PLEKHA1: variants seen among roughly 807,000 people sequenced by gnomAD.
PLEKHA1 encodes the protein pleckstrin homology domain containing A1.
In PLEKHA1, 34 loss-of-function variants were observed where a neutral mutation model predicts 52.0. That is an observed-to-expected ratio of 0.65 (90% confidence interval 0.50 to 0.87). The LOEUF is 0.87. Ranked by LOEUF, PLEKHA1 falls within the 40% of genes least tolerant of loss-of-function variation. The probability of loss-of-function intolerance (pLI) is 0.00; values close to 1 mark genes in which losing one functional copy is unlikely to be tolerated. For synonymous variants in PLEKHA1, 163 were observed against 170.7 expected (o/e 0.95, Z 0.35); for missense variants, 497 against 504.2 (o/e 0.99, Z 0.14).
At chr10:122,423,114 T>G (rs1348614733) in intron 8 of PLEKHA1, 3 of 151,706 alleles carry the variant, frequency 2.0e-5, no homozygotes, top group Non-Finnish European at 4.4e-5. Flanking sequence ...TCTATGATTT[T>G]TTTTTTTTTT....
Position 122,425,100 on chromosome 10 carries a change from A to G in PLEKHA1, c.810+141A>G. ...TAATTCACCAGCTTAATAAAAGGGT[A>G]CTGTATATAGAGTTATTGGTGGGGT... is the stretch of plus-strand genomic sequence containing the variant. On this transcript the variant is annotated intron_variant, in intron 10 of 11. Coordinates refer to ENST00000368990, the MANE Select transcript of PLEKHA1 (RefSeq NM_001001974.4). 5.9e-6 allele frequency: 4 copies of G among 677,582 alleles called. No homozygotes were observed. In the East Asian group the frequency reaches 1.1e-4, roughly 19 times the overall value. The allele number at this position is 677,582 out of a possible 1,614,324, so 42.0% of individuals were successfully genotyped here.
intron 1 of PLEKHA1, among the ~76,000 whole-genome samples, chr10:122,392,133 C>T (rs920744986): frequency 2.0e-5 from 3 of 152,098 alleles, no homozygotes; most frequent in African/African-American, 7.2e-5. Context: ...GTTCTTGGCA[C>T]CTAATGGTTT....
At chr10:122,429,494 TTGTGTGTGTGTG>T (rs35620141) in intron 11 of PLEKHA1, 118 bp from the exon 12 acceptor site, 94 of 655,906 alleles carry the variant, frequency 1.4e-4, no homozygotes, top group East Asian at 5.8e-4. Context: ...GCTGCTGCCT[TTGTGTGTGTGTG>T]TGTGTGTGTG....
Position 122,429,972 on chromosome 10 carries a change from G to A in PLEKHA1, c.*34G>A, listed in dbSNP as rs1447434716. 5.1e-6 allele frequency: 8 copies of A among 1,568,490 alleles called. No homozygotes were observed. Among genetic ancestry groups the A allele is most frequent in the Admixed American group, 1.9e-5 (1 of 53,238 alleles). On this transcript the variant is annotated 3_prime_UTR_variant, in exon 12 of 12. Coordinates refer to ENST00000368990, the MANE Select transcript of PLEKHA1 (RefSeq NM_001001974.4). ...CGCACGGAGCCTGCCTGCCTCTGCCGTCCTCAGTTTCCTTTCATGAGGCTT... is the reference window on the plus strand; with the variant it reads ...CGCACGGAGCCTGCCTGCCTCTGCCATCCTCAGTTTCCTTTCATGAGGCTT...
At chr10:122,384,238 G>T (rs1326901290) in intron 1 of PLEKHA1, among the ~76,000 whole-genome samples, 1 of 152,106 alleles carries the variant, frequency 6.6e-6, no homozygotes, top group Non-Finnish European at 1.5e-5. Context: ...TTAGCCCTTT[G>T]TTTATGATAT....
At chr10:122,423,878 G>GT in intron 8 of PLEKHA1, 1 of 271,170 alleles carries the variant, frequency 3.7e-6, no homozygotes, top group Non-Finnish European at 6.7e-6. Context: ...AGGAGATGCT[G>GT]TGCATACTGG....
chr10:122,424,118 C>A, intron 8 of PLEKHA1, 81 bp from the exon 9 acceptor site: 1 of 1,459,876 alleles, frequency 6.8e-7, no homozygotes, highest in Non-Finnish European at 9.1e-7. Context: ...CATGGGTCTT[C>A]AAATAAGACA....
At chr10:122,379,763 G>A (rs746065615) in intron 1 of PLEKHA1, among the ~76,000 whole-genome samples, 6 of 152,184 alleles carry the variant, frequency 3.9e-5, no homozygotes, top group Non-Finnish European at 7.3e-5. Context: ...AGTCCCACTC[G>A]ACATGTTTTA....
chr10:122,395,989 C>G (rs1015466263), intron 2 of PLEKHA1, among the ~76,000 whole-genome samples: 1 of 152,040 alleles, frequency 6.6e-6, no homozygotes, highest in African/African-American at 2.4e-5. Flanking sequence ...ATTTCTTGTT[C>G]ATTGTCAAGT....
At chr10:122,412,853 C>T in intron 5 of PLEKHA1, 67 bp from the exon 6 acceptor site, 1 of 1,540,390 alleles carries the variant, frequency 6.5e-7, no homozygotes, top group Non-Finnish European at 8.9e-7. Context: ...ATTAGAAATT[C>T]TGCGAGAAAA....
rs1014908131 is a variant in PLEKHA1 at position 122,412,945 on chromosome 10, C to G, written c.368C>G (p.Pro123Arg). Residue 123 changes from proline to arginine, a missense_variant, in exon 6 of 12, where the codon CCT becomes CGT. Coordinates refer to ENST00000368990, the MANE Select transcript of PLEKHA1 (RefSeq NM_001001974.4). ...ITVPKQSDSQ[P>R]NSDNLSRHGE... ...GTACCAAAGCAGTCAGACTCACAGCCTAATTCTGATAACCTAAGTCGCCAT... is the reference window on the plus strand; with the variant it reads ...GTACCAAAGCAGTCAGACTCACAGCGTAATTCTGATAACCTAAGTCGCCAT... The G allele has an allele frequency of 1.2e-6, 2 of 1,613,350 alleles. No homozygotes were observed. Among genetic ancestry groups the G allele is most frequent in the Non-Finnish European group, 1.7e-6 (2 of 1,179,522 alleles).
At chr10:122,440,086 T>G in the PLEKHA1 span, 1 of 152,230 alleles carries the variant, frequency 6.6e-6, no homozygotes, top group Admixed American at 6.5e-5. Flanking sequence ...AGTTGTGCTA[T>G]CTTCTGATTT....
intron 1 of PLEKHA1, among the ~76,000 whole-genome samples, chr10:122,379,404 C>G (rs2096583945): frequency 6.6e-6 from 1 of 151,910 alleles, no homozygotes; most frequent in Admixed American, 6.6e-5. Flanking sequence ...CATCAATTCT[C>G]TTTGTCCCCC....
chr10:122,439,828 G>T, the PLEKHA1 span: 1 of 152,154 alleles, frequency 6.6e-6, no homozygotes, highest in Non-Finnish European at 1.5e-5. Context: ...TCTTTTGAGG[G>T]TGTGCCATTG....
At chr10:122,390,544 G>T (rs1360898349) in intron 1 of PLEKHA1, among the ~76,000 whole-genome samples, 1 of 152,156 alleles carries the variant, frequency 6.6e-6, no homozygotes, top group African/African-American at 2.4e-5. Context: ...TTGAGAGGCC[G>T]AGGCAAGAGG....
intron 1 of PLEKHA1, among the ~76,000 whole-genome samples, chr10:122,375,426 GGCCAGAGGCA>G (rs2096517312): frequency 6.6e-6 from 1 of 152,270 alleles, no homozygotes; most frequent in Non-Finnish European, 1.5e-5. Flanking sequence ...CGGGGCAGGT[GGCCAGAGGCA>G]GCGTTGAAAG....
Position 122,424,193 on chromosome 10 carries a change from T to TTTTTTCAA in PLEKHA1, c.682-6_682-5insTTTTTCAA. On this transcript the variant is annotated splice_polypyrimidine_tract_variant and splice_region_variant and intron_variant, in intron 8 of 11. Coordinates refer to ENST00000368990, the MANE Select transcript of PLEKHA1 (RefSeq NM_001001974.4). The stretch of plus-strand genomic sequence containing the variant: ...ACTGTTTTTTTTTTTTTTTTTTTTT[T>TTTTTTCAA]GCCAGGAAAAGGAACCTCTTCGTGT... 6.5e-7 allele frequency: 1 copy of TTTTTTCAA among 1,536,108 alleles called. No individual in the cohort carries two copies. Among genetic ancestry groups the TTTTTTCAA allele is most frequent in the Non-Finnish European group, 8.7e-7 (1 of 1,147,706 alleles).
At position 122,431,651 on chromosome 10, in the gene PLEKHA1, T is replaced by C. The variant is rs1384739396; in HGVS notation, c.*1713T>C. On this transcript the variant is annotated 3_prime_UTR_variant, in exon 12 of 12. Transcript: ENST00000368990. ...CAGAGGTTAAGATGTATTAGAATTA[T>C]ACAATATCAGTTTAAAAATCTGTAT... The C allele has an allele frequency of 2.0e-5, 3 of 152,678 alleles. No homozygotes were observed. In the East Asian group the frequency reaches 5.8e-4, roughly 29 times the overall value. 9.5% of individuals were successfully genotyped at this position (152,678 alleles called of 1,614,324 possible). A position where few individuals can be genotyped will look rare whatever the true frequency, so the allele number is the denominator to read the frequency against.
At chr10:122,435,380 C>T (rs1383771713), downstream of PLEKHA1, 1 of 152,124 alleles carries the variant, frequency 6.6e-6, no homozygotes, top group East Asian at 1.9e-4. Context: ...TTTTTTGATA[C>T]ATTTAATAGT....
Sources: gnomAD v4.1 joint callset for allele counts (sites outside exome capture counted in the v4.1 genomes callset) on GRCh38, gnomAD v4.1.1 for gene constraint, MANE v1.5 for transcripts, NCBI Gene and HGNC (gene_info 2026-07-23, HGNC 2026-07-21) for gene names.